ERC1: variants seen among roughly 807,000 people sequenced by gnomAD.
ERC1 encodes the protein ELKS/RAB6-interacting/CAST family member 1.
ERC1 carries 56 observed loss-of-function variants against 132.0 expected under a neutral mutation model. That is an observed-to-expected ratio of 0.42 (90% CI 0.34 to 0.53). The LOEUF (loss-of-function observed/expected upper bound fraction) is 0.53. Ranked by LOEUF, ERC1 falls within the 20% of genes least tolerant of loss-of-function variation. The pLI, the probability that ERC1 is intolerant of heterozygous loss-of-function variation, is 0.03. For missense variants in ERC1, 1,202 were observed against 1,349.9 expected (o/e 0.89, Z 1.72); for synonymous variants, 478 against 476.1 (o/e 1.00, Z -0.05).
At chr12:1,384,343 GGA>G (rs2089066702) in intron 16 of ERC1, among the ~76,000 whole-genome samples, 1 of 152,196 alleles carries the variant, frequency 6.6e-6, no homozygotes, top group Non-Finnish European at 1.5e-5. Flanking sequence ...GTACAGCAGA[GGA>G]GAGGGTAAAA....
chr12:1,387,481 G>C (rs2089503887), intron 16 of ERC1, among the ~76,000 whole-genome samples: 2 of 152,188 alleles, frequency 1.3e-5, no homozygotes, highest in Admixed American at 1.3e-4. Flanking sequence ...TTTGGATAAA[G>C]GGTCTTTGCA....
intron 17 of ERC1, chr12:1,443,478 C>G (rs1413631100): frequency 6.6e-6 from 1 of 152,116 alleles, no homozygotes. Flanking sequence ...ATTAGTTAGG[C>G]CAGAGGTGTC....
intron 7 of ERC1, among the ~76,000 whole-genome samples, chr12:1,131,813 G>C: frequency 6.6e-6 from 1 of 152,152 alleles, no homozygotes; most frequent in Non-Finnish European, 1.5e-5. Context: ...CAGTAGGGTA[G>C]CCATTTTCTG....
chr12:1,283,885 C>T (rs10773935), intron 14 of ERC1, among the ~76,000 whole-genome samples: 54,312 of 151,790 alleles, frequency 0.36, 10,025 homozygotes, highest in Middle Eastern at 0.45. Context: ...TCCATCACTT[C>T]TAACATCTAT....
intron 2 of ERC1, among the ~76,000 whole-genome samples, chr12:1,045,664 G>A (rs969982820): frequency 2.6e-5 from 4 of 152,132 alleles, no homozygotes; most frequent in African/African-American, 7.2e-5. Context: ...ATATTGGTCC[G>A]TCTGGCTACA....
At chr12:1,048,082 G>C (rs1403865833) in intron 2 of ERC1, among the ~76,000 whole-genome samples, 1 of 152,164 alleles carries the variant, frequency 6.6e-6, no homozygotes, top group Non-Finnish European at 1.5e-5. Context: ...GGTAACAGCG[G>C]CCAGCACTTC....
At chr12:1,143,418 C>T (rs530229935) in intron 8 of ERC1, among the ~76,000 whole-genome samples, 24 of 149,410 alleles carry the variant, frequency 1.6e-4, no homozygotes, top group African/African-American at 5.2e-4. Flanking sequence ...TTTAAGGCTT[C>T]TGGATTTTGT....
intron 16 of ERC1, among the ~76,000 whole-genome samples, chr12:1,400,514 T>A (rs1047859677): frequency 6.6e-6 from 1 of 152,210 alleles, no homozygotes; most frequent in Non-Finnish European, 1.5e-5. Flanking sequence ...CCTCAAAGAT[T>A]TACTCTTATG....
At chr12:1,199,913 CTT>C (rs777919131) in intron 12 of ERC1, among the ~76,000 whole-genome samples, 3 of 144,548 alleles carry the variant, frequency 2.1e-5, no homozygotes, top group East Asian at 2.0e-4. Context: ...GATTACATAA[CTT>C]TTTTTTTTTT....
intron 14 of ERC1, among the ~76,000 whole-genome samples, chr12:1,280,312 T>C (rs1325338063): frequency 6.6e-6 from 1 of 152,192 alleles, no homozygotes; most frequent in Non-Finnish European, 1.5e-5. Context: ...AGATATTTTT[T>C]TCTGGAGAAA....
intron 15 of ERC1, among the ~76,000 whole-genome samples, chr12:1,354,247 G>C (rs1475093402): frequency 6.6e-6 from 1 of 152,084 alleles, no homozygotes; most frequent in Non-Finnish European, 1.5e-5. Context: ...GTTAAGGCCA[G>C]GTGTGGTGGC....
intron 18 of ERC1, among the ~76,000 whole-genome samples, chr12:1,461,636 C>T (rs1009491969): frequency 6.6e-6 from 1 of 152,078 alleles, no homozygotes; most frequent in Non-Finnish European, 1.5e-5. Context: ...CATTGCACTC[C>T]AGCCTGGGAG....
chr12:1,137,393 G>A lies in ERC1; in HGVS notation c.1570-4227G>A, dbSNP rs561797066. ...ATTACAGGTGTGAGCCACCACGCCC[G>A]GCCATAGTCCTTCTACTTACCAGTT... On this transcript the variant is annotated intron_variant, in intron 7 of 18. Coordinates refer to ENST00000360905, the MANE Select transcript of ERC1 (RefSeq NM_178040.4). Among the ~76,000 whole-genome samples, 373 of 151,450 alleles carry A rather than the reference G, an allele frequency of 2.5e-3. 1 individual carries two copies. Among genetic ancestry groups the A allele is most frequent in the African/African-American group, 7.8e-3 (322 of 41,356 alleles).
chr12:1,337,460 G>T (rs1364179057), intron 15 of ERC1, among the ~76,000 whole-genome samples: 2 of 152,024 alleles, frequency 1.3e-5, no homozygotes, highest in Admixed American at 6.6e-5. Flanking sequence ...GCCTCTTGAA[G>T]ATAGCACACT....
intron 14 of ERC1, among the ~76,000 whole-genome samples, chr12:1,268,658 C>T (rs555717343): frequency 3.9e-5 from 6 of 152,042 alleles, no homozygotes; most frequent in South Asian, 2.1e-4. Context: ...CACAGCTACT[C>T]GGGAGGCTGA....
chr12:1,486,549 C>T (rs7133689), intron 18 of ERC1, among the ~76,000 whole-genome samples: 4,098 of 152,134 alleles, frequency 0.027, 202 homozygotes, highest in African/African-American at 0.094. Flanking sequence ...CTCAGCCTCC[C>T]GAGTAGCTGG....
At chr12:1,305,760 A>G (rs985772859) in intron 15 of ERC1, among the ~76,000 whole-genome samples, 4 of 151,874 alleles carry the variant, frequency 2.6e-5, no homozygotes, top group Non-Finnish European at 4.4e-5. Context: ...TTCTCTCCTA[A>G]TTTTTGTCAA....
At chr12:1,381,356 A>T (rs1235584391) in intron 16 of ERC1, 1 of 151,540 alleles carries the variant, frequency 6.6e-6, no homozygotes, top group Non-Finnish European at 1.5e-5. Context: ...TTATTTACTG[A>T]TTTATTTTTA....
chr12:1,278,887 G>A lies in ERC1; in HGVS notation c.2620-10965G>A, dbSNP rs556671484. Among the ~76,000 whole-genome samples, 62 of 152,178 alleles carry A rather than the reference G, an allele frequency of 4.1e-4. 1 individual carries two copies. The highest frequency in any genetic ancestry group is 1.0e-3 in the Admixed American group (16 of 15,294). On this transcript the variant is annotated intron_variant, in intron 14 of 18. Coordinates refer to ENST00000360905, the MANE Select transcript of ERC1 (RefSeq NM_178040.4). ...AACTCTTTCTTTTAGAATACGGATA[G>A]CCCTAAAAGATGGAGTAATGTTTAG...
Sources: gnomAD v4.1 joint callset for allele counts (sites outside exome capture counted in the v4.1 genomes callset) on GRCh38, gnomAD v4.1.1 for gene constraint, MANE v1.5 for transcripts, NCBI Gene and HGNC (gene_info 2026-07-23, HGNC 2026-07-21) for gene names.